Variants in CTNNBIP1 observed in about 807,000 individuals in gnomAD.
The protein encoded by CTNNBIP1 is catenin beta interacting protein 1, also known as beta-catenin-interacting protein 1.
CTNNBIP1 carries 7 observed loss-of-function variants against 11.8 expected under a neutral mutation model. That is an observed-to-expected ratio of 0.60 (90% CI 0.34 to 1.12). The LOEUF is 1.12. Among genes scored for constraint, CTNNBIP1 ranks in the 50% most tolerant of loss-of-function variants. The pLI is 0.03. For synonymous variants in CTNNBIP1, 58 were observed against 43.9 expected (o/e 1.32, Z -1.26); for missense variants, 101 against 113.4 (o/e 0.89, Z 0.50).
Position 9,850,759 on chromosome 1 carries a change from T to C in CTNNBIP1, c.205A>G (p.Met69Val). 1.2e-6 allele frequency: 2 copies of C among 1,613,882 alleles called. No individual in the cohort carries two copies. The highest frequency in any genetic ancestry group is 2.2e-5 in the East Asian group (1 of 44,884). The change falls in exon 6 of 6, where the codon ATG becomes GTG. Residue 69 changes from methionine (M) to valine (V), a missense_variant. Coordinates refer to ENST00000377263, the MANE Select transcript of CTNNBIP1 (RefSeq NM_020248.3). ...SIDQGAEDVV[M>V]AFSRSETEDR... ...TCCGTCTCCGACCTGGAAAACGCCA[T>C]CACCACGTCCTCTGCACCTGCAGAT...
At position 9,871,014 on chromosome 1, in the gene CTNNBIP1, G is replaced by A. The variant is rs890336458; in HGVS notation, c.187+173C>T. ...GAGATGGGATCAGGTGGGAGGCTCC[G>A]AAGGTTTCCTGGCTCAGCTCTGTGG... On this transcript the variant is annotated intron_variant, in intron 5 of 5. Transcript: ENST00000377263. This position sits in a 1 kb window ranked among gnomAD's most constrained non-coding sequence, Gnocchi z 5.2. Among the ~76,000 whole-genome samples the A allele has an allele frequency of 2.6e-5, 4 of 152,174 alleles. No individual in the cohort carries two copies. The highest frequency in any genetic ancestry group is 3.8e-4 in the East Asian group (2 of 5,196).
chr1:9,894,664 C>T (rs929976998), intron 1 of CTNNBIP1, among the ~76,000 whole-genome samples: 3 of 151,648 alleles, frequency 2.0e-5, no homozygotes, highest in African/African-American at 7.3e-5. Context: ...AATAGCTAGG[C>T]CTGCAGGCAT....
chr1:9,903,077 T>C (rs1639554658), intron 1 of CTNNBIP1, among the ~76,000 whole-genome samples: 1 of 152,208 alleles, frequency 6.6e-6, no homozygotes, highest in African/African-American at 2.4e-5. Context: ...GGAATAACTA[T>C]TTTTGTCCTG....
At chr1:9,891,271 G>A (rs1280595845) in intron 1 of CTNNBIP1, among the ~76,000 whole-genome samples, 4 of 152,130 alleles carry the variant, frequency 2.6e-5, no homozygotes, top group Admixed American at 6.5e-5. Flanking sequence ...CTCAGAGGCA[G>A]GCCTGGGCAT....
At chr1:9,891,781 A>ATTTTTTT (rs70998316) in intron 1 of CTNNBIP1, among the ~76,000 whole-genome samples, 1 of 81,410 alleles carries the variant, frequency 1.2e-5, no homozygotes, top group African/African-American at 5.0e-5. Context: ...ATCTCTTTAA[A>ATTTTTTT]TTTTTTTTTT....
At chr1:9,904,052 G>A (rs1048581965) in intron 1 of CTNNBIP1, among the ~76,000 whole-genome samples, 1 of 152,176 alleles carries the variant, frequency 6.6e-6, no homozygotes, top group African/African-American at 2.4e-5. Flanking sequence ...ATGAGACAGT[G>A]TATGTAAAAT....
chr1:9,867,731 T>C lies in CTNNBIP1; in HGVS notation c.187+3456A>G, dbSNP rs1033261498. Among the ~76,000 whole-genome samples the C allele has an allele frequency of 1.3e-5, 2 of 152,224 alleles. No homozygotes were observed. Among genetic ancestry groups the C allele is most frequent in the Admixed American group, 1.3e-4 (2 of 15,286 alleles). On this transcript the variant is annotated intron_variant, in intron 5 of 5. Coordinates refer to ENST00000377263, the MANE Select transcript of CTNNBIP1 (RefSeq NM_020248.3). The surrounding 1 kb of genome is among the most constrained non-coding windows in gnomAD (Gnocchi z 4.6). ...CTTTGGGGTTCATTATGGCAGTCTCTGCACCCTGCTCTGGCCCCCGCATCC... is the reference window on the plus strand; with the variant it reads ...CTTTGGGGTTCATTATGGCAGTCTCCGCACCCTGCTCTGGCCCCCGCATCC...
chr1:9,856,573 C>T (rs988018501), intron 5 of CTNNBIP1, among the ~76,000 whole-genome samples: 14 of 147,284 alleles, frequency 9.5e-5, no homozygotes, highest in African/African-American at 7.6e-5. Context: ...AGTGCAGTGG[C>T]GTGATCTCAA....
intron 1 of CTNNBIP1, among the ~76,000 whole-genome samples, chr1:9,886,678 G>A (rs1054472500): frequency 5.3e-5 from 8 of 152,140 alleles, no homozygotes; most frequent in South Asian, 4.1e-4. Context: ...GGTCTCAACC[G>A]CTCTGCCCTG....
At chr1:9,881,544 G>A (rs1021043777) in intron 2 of CTNNBIP1, among the ~76,000 whole-genome samples, 7 of 151,740 alleles carry the variant, frequency 4.6e-5, no homozygotes, top group African/African-American at 1.7e-4. Context: ...TCACCATGTT[G>A]GCCAGGCTAG....
At chr1:9,856,836 G>A (rs1638511883) in intron 5 of CTNNBIP1, among the ~76,000 whole-genome samples, 1 of 151,812 alleles carries the variant, frequency 6.6e-6, no homozygotes, top group Admixed American at 6.6e-5. Context: ...TTAAAACTCA[G>A]TAATAGGCTG....
At position 9,898,126 on chromosome 1, in the gene CTNNBIP1, A is replaced by T. The variant is rs189359657; in HGVS notation, c.-144+11969T>A. 2.7e-3 allele frequency among the ~76,000 whole-genome samples: 403 copies of T among 151,812 alleles called. 2 individuals are homozygous for T. The highest frequency in any genetic ancestry group is 4.8e-3 in the South Asian group (23 of 4,830). The stretch of plus-strand genomic sequence containing the variant: ...TGAGACTCTGTCTCAGCAAAAAAAA[A>T]AAATAAATAAAATTAAAAAATTTAA... On this transcript the variant is annotated intron_variant, in intron 1 of 5. Coordinates refer to ENST00000377263, the MANE Select transcript of CTNNBIP1 (RefSeq NM_020248.3).
rs538212202 is a variant in CTNNBIP1 at position 9,857,955 on chromosome 1, T to A, written c.188-7179A>T. Among the ~76,000 whole-genome samples, 415 of 152,282 alleles carry A rather than the reference T, an allele frequency of 2.7e-3. 2 individuals are homozygous for A. Among genetic ancestry groups the A allele is most frequent in the Non-Finnish European group, 4.1e-3 (282 of 68,028 alleles). Reference sequence around the variant, plus strand: ...CATTGCTGGTGGGAGTGTCAGGTGGTGCAGCTGCCAAGCCTGCTCCACAGT... The same window carrying A: ...CATTGCTGGTGGGAGTGTCAGGTGGAGCAGCTGCCAAGCCTGCTCCACAGT... On this transcript the variant is annotated intron_variant, in intron 5 of 5. Coordinates refer to ENST00000377263, the MANE Select transcript of CTNNBIP1 (RefSeq NM_020248.3).
At chr1:9,860,252 G>C (rs955269026) in intron 5 of CTNNBIP1, among the ~76,000 whole-genome samples, 1 of 151,946 alleles carries the variant, frequency 6.6e-6, no homozygotes, top group Non-Finnish European at 1.5e-5. Flanking sequence ...GAGAAAAAGG[G>C]GAACTTCAGT....
chr1:9,888,788 C>T (rs999444272), intron 1 of CTNNBIP1, among the ~76,000 whole-genome samples: 2 of 152,190 alleles, frequency 1.3e-5, no homozygotes, highest in Non-Finnish European at 2.9e-5. Context: ...ATGCACACTC[C>T]GAGATCAGAG....
chr1:9,866,922 T>C (rs936979570), intron 5 of CTNNBIP1, among the ~76,000 whole-genome samples: 5 of 151,788 alleles, frequency 3.3e-5, no homozygotes, highest in Admixed American at 6.6e-5. Flanking sequence ...CAGTAACCCA[T>C]TAGGTTCCTG....
At chr1:9,894,971 A>G (rs1178388735) in intron 1 of CTNNBIP1, among the ~76,000 whole-genome samples, 1 of 142,354 alleles carries the variant, frequency 7.0e-6, no homozygotes, top group African/African-American at 2.8e-5. Flanking sequence ...GCAGTGGTGC[A>G]ATCTCGGCTC....
chr1:9,897,795 A>G (rs1557765815), intron 1 of CTNNBIP1, among the ~76,000 whole-genome samples: 2 of 152,094 alleles, frequency 1.3e-5, no homozygotes, highest in Non-Finnish European at 2.9e-5. Context: ...GCCTGTGTGA[A>G]GAGTGAGACT....
chr1:9,858,954 T>C (rs1013339740), intron 5 of CTNNBIP1, among the ~76,000 whole-genome samples: 3 of 152,138 alleles, frequency 2.0e-5, no homozygotes, highest in African/African-American at 7.2e-5. Flanking sequence ...AAGGCTCAAC[T>C]GGCCTCCTAG....
Sources: allele counts gnomAD v4.1 joint callset (sites outside exome capture counted in the v4.1 genomes callset), GRCh38; gene constraint gnomAD v4.1.1; non-coding constraint Gnocchi (gnomAD v3.1); transcripts MANE v1.5; gene names NCBI Gene and HGNC (gene_info 2026-07-23, HGNC 2026-07-21).